Variants in MORN1 observed in about 807,000 individuals in gnomAD.
MORN1 encodes MORN repeat-containing protein 1.
In MORN1, 67 loss-of-function variants were observed where a neutral mutation model predicts 61.9. That is an observed-to-expected ratio of 1.08 (90% CI 0.89 to 1.33). The LOEUF is 1.33. Ranked by LOEUF, MORN1 falls within the 40% of genes most tolerant of loss-of-function variation. The pLI is 0.00. For missense variants in MORN1, 752 were observed against 691.2 expected, an observed-to-expected ratio of 1.09 and a Z score of -0.99; for synonymous variants, 301 against 292.0, an observed-to-expected ratio of 1.03 and a Z score of -0.31.
rs531293373 is a variant in MORN1, at chr1:2,340,398, T to A, written c.1037-3548A>T. On this transcript the variant is annotated intron_variant, in intron 10 of 13. Transcript: ENST00000378531. ...GTCCCTCCTCCAGCTCAGCCTCCCC[T>A]TGCTGAGGGGCCTGCCCTGCCCCTG... is the stretch of plus-strand genomic sequence containing the variant. 2.0e-5 allele frequency among the ~76,000 whole-genome samples: 3 copies of A among 152,026 alleles called. No individual in the cohort carries two copies. In the East Asian group the frequency reaches 5.8e-4, roughly 30 times the overall value.
intron 8 of MORN1, among the ~76,000 whole-genome samples, chr1:2,362,111 A>G (rs1641901975): frequency 6.6e-6 from 1 of 152,028 alleles, no homozygotes; most frequent in Non-Finnish European, 1.5e-5. Flanking sequence ...GGGTGCCTGT[A>G]GTCCCAGCTA....
intron 4 of MORN1, 98 bp from the exon 5 acceptor site, chr1:2,385,995 G>T: frequency 3.8e-6 from 4 of 1,055,070 alleles, no homozygotes; most frequent in Non-Finnish European, 5.9e-6. Context: ...CAGGAGCAAA[G>T]TAGCAAGTCT....
intron 3 of MORN1, 65 bp from the exon 4 acceptor site, chr1:2,387,594 C>A: frequency 8.5e-7 from 1 of 1,172,466 alleles, no homozygotes; most frequent in Non-Finnish European, 1.3e-6. Context: ...CCAGTCGGCT[C>A]TCCTCTGTCC....
chr1:2,352,043 T>C, intron 10 of MORN1: 1 of 557,442 alleles, frequency 1.8e-6, no homozygotes, highest in Admixed American at 2.3e-5. Context: ...TAGGAATGAG[T>C]CCACCAAGAC....
intron 13 of MORN1, chr1:2,322,451 C>T (rs1640903600): frequency 4.1e-6 from 4 of 985,232 alleles, no homozygotes; most frequent in African/African-American, 1.7e-5. Context: ...GCGGCGGCCT[C>T]CTCGGCCAGG....
At chr1:2,382,973 G>C (rs956083127) in intron 6 of MORN1, among the ~76,000 whole-genome samples, 2 of 152,100 alleles carry the variant, frequency 1.3e-5, no homozygotes, top group African/African-American at 2.4e-5. Context: ...CCTCCCGCCT[G>C]ACCACCCCTC....
intron 6 of MORN1, chr1:2,379,178 G>C (rs544533637): frequency 3.8e-5 from 18 of 470,790 alleles, no homozygotes; most frequent in South Asian, 2.8e-4. Context: ...TGCCTGGGTA[G>C]CAGCCGATGT....
chr1:2,358,766 G>C, intron 8 of MORN1, 51 bp from the exon 9 acceptor site: 1 of 1,567,564 alleles, frequency 6.4e-7, no homozygotes, highest in Non-Finnish European at 8.7e-7. Context: ...CCCAGAAGCG[G>C]GGTGCGCGGG....
At chr1:2,387,320 G>A (rs538203774) in intron 4 of MORN1, 99 bp downstream of exon 4, 204 of 868,470 alleles carry the variant, frequency 2.3e-4, no homozygotes, top group East Asian at 1.8e-3. Context: ...TCTGAAGTCA[G>A]GCAGGCCCTC....
At chr1:2,338,852 T>C (rs1369615088) in intron 10 of MORN1, among the ~76,000 whole-genome samples, 1 of 152,062 alleles carries the variant, frequency 6.6e-6, no homozygotes, top group East Asian at 1.9e-4. Flanking sequence ...ACATCCCTGC[T>C]CTCCTCAGAG....
rs1020512936 is a variant in MORN1, at chr1:2,372,921, C to G, written c.635-330G>C. ...TTCCTGCCCGTGGAATGTTCCCGCA[C>G]GTCTTCCCGCTGGTCGGGATTTAGG... On this transcript the variant is annotated intron_variant, in intron 7 of 13. Transcript: ENST00000378531. This position sits in a 1 kb window ranked among gnomAD's most constrained non-coding sequence, Gnocchi z 5.4. Among the ~76,000 whole-genome samples the G allele has an allele frequency of 6.6e-6, 1 of 152,270 alleles. No homozygotes were observed. The highest frequency in any genetic ancestry group is 2.4e-5 in the African/African-American group (1 of 41,476).
chr1:2,372,254 C>G lies in MORN1; in HGVS notation c.745+227G>C, dbSNP rs3820008. The G allele has an allele frequency of 1.3e-3, 686 of 517,514 alleles. 3 individuals are homozygous for G. The highest frequency in any genetic ancestry group is 0.012 in the African/African-American group (642 of 51,984). The allele number at this position is 517,514 out of a possible 1,614,324, so 32.1% of individuals were successfully genotyped here. ...ACATATGCACACACATACAGGAGCA[C>G]GCACATCACACAATATGTGCACACA... is the stretch of plus-strand genomic sequence containing the variant. On this transcript the variant is annotated intron_variant, in intron 8 of 13. Transcript: ENST00000378531. The surrounding 1 kb of genome is among the most constrained non-coding windows in gnomAD (Gnocchi z 5.4).
Position 2,345,496 on chromosome 1 carries a change from G to C in MORN1, c.1037-8646C>G, listed in dbSNP as rs879513061. On this transcript the variant is annotated intron_variant, in intron 10 of 13. Coordinates refer to ENST00000378531, the MANE Select transcript of MORN1 (RefSeq NM_024848.3). ...CAACAAGGGCCAGGCTCTGCACCGG[G>C]GGACCCCCTGCCCTGCCAGCCGGAC... Among the ~76,000 whole-genome samples the C allele has an allele frequency of 4.6e-5, 7 of 152,328 alleles. No homozygotes were observed. The South Asian group carries it at 6.2e-4, about 14-fold the overall frequency.
chr1:2,355,299 C>T, intron 10 of MORN1: 2 of 1,460,840 alleles, frequency 1.4e-6, no homozygotes, highest in South Asian at 2.8e-5. Flanking sequence ...GGCCTGTTGG[C>T]CTGAGGCTTG....
intron 13 of MORN1, chr1:2,322,760 C>G (rs369176937): frequency 4.5e-5 from 44 of 985,326 alleles, no homozygotes; most frequent in Non-Finnish European, 5.1e-5. Context: ...GTGGCCAAGG[C>G]GCTGGCCGGG....
intron 12 of MORN1, among the ~76,000 whole-genome samples, chr1:2,325,480 A>C (rs543615515): frequency 6.6e-6 from 1 of 151,024 alleles, no homozygotes; most frequent in South Asian, 2.1e-4. Flanking sequence ...CACCATGCCC[A>C]TGGGACCACA....
intron 8 of MORN1, among the ~76,000 whole-genome samples, chr1:2,370,044 G>A (rs1642080600): frequency 6.6e-6 from 1 of 152,172 alleles, no homozygotes; most frequent in Non-Finnish European, 1.5e-5. Flanking sequence ...AGATCATTTT[G>A]AAAAGGAAAA....
chr1:2,343,156 C>A (rs917621981), intron 10 of MORN1, among the ~76,000 whole-genome samples: 1 of 152,144 alleles, frequency 6.6e-6, no homozygotes, highest in Non-Finnish European at 1.5e-5. Flanking sequence ...GGGCCTGGGC[C>A]GTCGTGGCTG....
chr1:2,345,084 C>G (rs1320423584), intron 10 of MORN1, among the ~76,000 whole-genome samples: 1 of 151,934 alleles, frequency 6.6e-6, no homozygotes, highest in African/African-American at 2.4e-5. Flanking sequence ...GGAGGGTCCA[C>G]GCGTGCTCAC....
Sources: gnomAD v4.1 joint callset for allele counts (sites outside exome capture counted in the v4.1 genomes callset) on GRCh38, gnomAD v4.1.1 for gene constraint, Gnocchi (gnomAD v3.1) non-coding constraint, MANE v1.5 for transcripts, NCBI Gene and HGNC (gene_info 2026-07-23, HGNC 2026-07-21) for gene names.